Variants in DHRSX observed in about 807,000 individuals in gnomAD.
The protein encoded by DHRSX is dehydrogenase/reductase X-linked, also known as polyprenol dehydrogenase.
Under a neutral mutation model 34.0 loss-of-function variants are expected in DHRSX, and 31 were observed. The ratio of observed to expected loss-of-function variants is 0.91; its 90% CI spans 0.69 to 1.23. DHRSX has a LOEUF of 1.23. DHRSX is among the 50% of genes most tolerant of loss of function. DHRSX has a pLI of 0.00. For synonymous variants in DHRSX, 201 were observed against 183.8 expected (o/e 1.09, Z -0.76); for missense variants, 414 against 428.1 (o/e 0.97, Z 0.29).
intron 6 of DHRSX, among the ~76,000 whole-genome samples, chrX:2,239,784 A>C (rs1446863746): frequency 6.6e-6 from 1 of 151,746 alleles, no homozygotes; most frequent in African/African-American, 2.4e-5. Flanking sequence ...AAATAAATAA[A>C]TTAAATAAAA....
intron 3 of DHRSX, among the ~76,000 whole-genome samples, chrX:2,357,700 T>TAAAAAAAAA (rs781233833): frequency 2.4e-5 from 3 of 125,166 alleles, no homozygotes; most frequent in Non-Finnish European, 3.4e-5. Flanking sequence ...CTCAGGAAAT[T>TAAAAAAAAA]AAAAAAAAAA....
At chrX:2,412,378 C>A (rs1444022729) in intron 2 of DHRSX, among the ~76,000 whole-genome samples, 1 of 152,184 alleles carries the variant, frequency 6.6e-6, no homozygotes, top group Non-Finnish European at 1.5e-5. Flanking sequence ...GCCACTGCAC[C>A]CGGCCTGGTT....
chrX:2,437,647 T>G (rs1181882852), intron 1 of DHRSX, among the ~76,000 whole-genome samples: 1 of 150,128 alleles, frequency 6.7e-6, no homozygotes, highest in African/African-American at 2.4e-5. Flanking sequence ...TCATTGTTGA[T>G]ATACCATTGT....
At chrX:2,227,310 A>G (rs1314308068) in intron 6 of DHRSX, among the ~76,000 whole-genome samples, 3 of 151,950 alleles carry the variant, frequency 2.0e-5, no homozygotes, top group Non-Finnish European at 4.4e-5. Context: ...AGACAGAGAA[A>G]CAAAAAAAAT....
chrX:2,445,031 C>T (rs2044111635), intron 1 of DHRSX, among the ~76,000 whole-genome samples: 1 of 151,920 alleles, frequency 6.6e-6, no homozygotes, highest in Non-Finnish European at 1.5e-5. Context: ...GTGGCGGACA[C>T]CGGTAATCCC....
chrX:2,242,306 T>C (rs1264989245), intron 6 of DHRSX, among the ~76,000 whole-genome samples: 1 of 152,084 alleles, frequency 6.6e-6, no homozygotes. Context: ...TTATGGGCAC[T>C]ACCTAGCTAC....
intron 2 of DHRSX, among the ~76,000 whole-genome samples, chrX:2,409,123 T>C (rs938640576): frequency 6.6e-6 from 1 of 152,178 alleles, no homozygotes; most frequent in African/African-American, 2.4e-5. Context: ...GAGAATAGCA[T>C]AAGCATAAAA....
At chrX:2,359,744 T>A (rs1247249893) in intron 3 of DHRSX, among the ~76,000 whole-genome samples, 1 of 151,962 alleles carries the variant, frequency 6.6e-6, no homozygotes, top group Non-Finnish European at 1.5e-5. Flanking sequence ...TATGCAGCCA[T>A]AAATAAGAAC....
chrX:2,287,728 A>G (rs1344656809), intron 4 of DHRSX, among the ~76,000 whole-genome samples: 3 of 151,870 alleles, frequency 2.0e-5, no homozygotes, highest in Admixed American at 1.3e-4. Context: ...TAGATAGAAT[A>G]ATAGCCCCAA....
chrX:2,370,500 C>T (rs1045155068), intron 3 of DHRSX, among the ~76,000 whole-genome samples: 14 of 151,338 alleles, frequency 9.3e-5, no homozygotes, highest in Admixed American at 3.3e-4. Flanking sequence ...GAGACACAAT[C>T]AGTCCATCAT....
At chrX:2,330,116 G>C (rs868343122) in intron 3 of DHRSX, among the ~76,000 whole-genome samples, 5 of 107,514 alleles carry the variant, frequency 4.7e-5, no homozygotes, top group South Asian at 4.0e-4. Flanking sequence ...GAGAGAGAGA[G>C]AGAGAGACAG....
chrX:2,403,483 C>G (rs1289747470), intron 3 of DHRSX, among the ~76,000 whole-genome samples: 1 of 152,182 alleles, frequency 6.6e-6, no homozygotes, highest in Non-Finnish European at 1.5e-5. Flanking sequence ...ATTCGTCATG[C>G]TACTTGTCCA....
Position 2,412,895 on chromosome X carries a change from A to C in DHRSX, c.218-4082T>G, listed in dbSNP as rs185788207. ...TCTCCAGAAGTTGAACTCACAAGAA[A>C]AAGTATTATGATGATTATTGGCCAG... On this transcript the variant is annotated intron_variant, in intron 2 of 6. Transcript: ENST00000334651. 1.8e-3 allele frequency among the ~76,000 whole-genome samples: 274 copies of C among 152,274 alleles called. 2 individuals are homozygous for C. Among genetic ancestry groups the C allele is most frequent in the African/African-American group, 6.4e-3 (265 of 41,558 alleles).
chrX:2,423,667 G>C (rs5982794), intron 2 of DHRSX, among the ~76,000 whole-genome samples: 2 of 152,076 alleles, frequency 1.3e-5, no homozygotes, highest in African/African-American at 4.8e-5. Flanking sequence ...TTCCAAGCTC[G>C]TCTCCACACA....
chrX:2,256,015 CTT>C (rs768032121), intron 5 of DHRSX, among the ~76,000 whole-genome samples: 20 of 139,906 alleles, frequency 1.4e-4, no homozygotes, highest in African/African-American at 1.6e-4. Context: ...ATGTGTCCCT[CTT>C]TTTTTTTTTT....
intron 6 of DHRSX, among the ~76,000 whole-genome samples, chrX:2,241,449 G>C (rs1206135351): frequency 6.6e-6 from 1 of 152,048 alleles, no homozygotes; most frequent in Non-Finnish European, 1.5e-5. Context: ...CTGAAGTCTG[G>C]ACATGTCAAA....
chrX:2,250,161 C>CAAAA (rs1036532155), intron 5 of DHRSX, among the ~76,000 whole-genome samples: 2 of 101,806 alleles, frequency 2.0e-5, no homozygotes, highest in Non-Finnish European at 3.7e-5. Context: ...GACTCCATCT[C>CAAAA]AAAAAAAAAA....
intron 1 of DHRSX, among the ~76,000 whole-genome samples, chrX:2,426,041 T>C (rs2043842586): frequency 1.3e-5 from 2 of 151,914 alleles, no homozygotes; most frequent in East Asian, 1.9e-4. Flanking sequence ...ATAAAGGAGA[T>C]GGCTGGGGGG....
intron 2 of DHRSX, among the ~76,000 whole-genome samples, chrX:2,409,171 G>A (rs754986653): frequency 2.0e-5 from 3 of 152,302 alleles, no homozygotes; most frequent in South Asian, 2.1e-4. Context: ...ACGAATTTTC[G>A]AAGGAGCTTT....
Sources: gnomAD v4.1 joint callset for allele counts (sites outside exome capture counted in the v4.1 genomes callset) on GRCh38, gnomAD v4.1.1 for gene constraint, MANE v1.5 for transcripts, NCBI Gene and HGNC (gene_info 2026-07-23, HGNC 2026-07-21) for gene names.